SLC4A7: variants seen among roughly 807,000 people sequenced by gnomAD.
The protein encoded by SLC4A7 is sodium bicarbonate cotransporter 3.
A neutral mutation model predicts 137.6 loss-of-function variants in SLC4A7; 51 were observed. That is an observed-to-expected ratio of 0.37 (90% CI 0.30 to 0.47). SLC4A7 has a LOEUF of 0.47. Ranked by LOEUF, SLC4A7 falls within the 20% of genes least tolerant of loss-of-function variation. The pLI is 1.00. For synonymous variants in SLC4A7, 542 were observed against 518.6 expected (o/e 1.05, Z -0.61); for missense variants, 1,247 against 1,525.4 (o/e 0.82, Z 3.04).
In SLC4A7 at chr3:27,400,863, T is replaced by C. The variant is rs1559668039; in HGVS notation, c.2328A>G (p.Val776=). The change falls in exon 16 of 26, where the codon GTA becomes GTG. Residue 776 remains valine (V), a synonymous_variant. Coordinates refer to ENST00000454389, the MANE Select transcript of SLC4A7 (RefSeq NM_001321103.2). The part of the protein sequence containing the change: ...NLDKLTSYSC[V]CTEPPNPSNE... ...TGCTGGGGTTTGGAGGTTCAGTACA[T>C]ACACATCTGAGAAATTAGAGTAGGA... The C allele has an allele frequency of 1.9e-6, 3 of 1,554,412 alleles. No individual in the cohort carries two copies. Among genetic ancestry groups the C allele is most frequent in the Admixed American group, 3.4e-5 (2 of 58,478 alleles).
At chr3:27,421,358 T>C (rs973258159) in intron 9 of SLC4A7, among the ~76,000 whole-genome samples, 3 of 152,010 alleles carry the variant, frequency 2.0e-5, no homozygotes, top group Admixed American at 2.0e-4. Context: ...TAGCTAGGCA[T>C]GGTGCTGCAC....
chr3:27,432,256 C>T (rs969005866), intron 6 of SLC4A7, among the ~76,000 whole-genome samples: 2 of 152,046 alleles, frequency 1.3e-5, no homozygotes, highest in Non-Finnish European at 2.9e-5. Context: ...AGACAAATAA[C>T]AGAAATTTTT....
chr3:27,419,184 T>C (rs539926627), intron 10 of SLC4A7, among the ~76,000 whole-genome samples: 2 of 152,058 alleles, frequency 1.3e-5, no homozygotes, highest in Non-Finnish European at 2.9e-5. Flanking sequence ...TAAATAATTA[T>C]AGGTATTGAT....
At chr3:27,439,276 G>A (rs554458915) in intron 3 of SLC4A7, among the ~76,000 whole-genome samples, 1 of 152,182 alleles carries the variant, frequency 6.6e-6, no homozygotes, top group South Asian at 2.1e-4. Context: ...AGAAAGTCAA[G>A]AACTCCAGGA....
chr3:27,421,981 A>G (rs1390526809), intron 8 of SLC4A7, among the ~76,000 whole-genome samples: 1 of 152,216 alleles, frequency 6.6e-6, no homozygotes, highest in Admixed American at 6.5e-5. Flanking sequence ...ATTTGAATCA[A>G]TGCTACTGTT....
At position 27,374,075 on chromosome 3, in the gene SLC4A7, C is replaced by G. The variant is rs879103429; in HGVS notation, c.*2689G>C. 1 of 152,462 alleles carries G rather than the reference C, an allele frequency of 6.6e-6. No individual in the cohort carries two copies. The highest frequency in any genetic ancestry group is 6.6e-5 in the Admixed American group (1 of 15,258). 9.4% of individuals were successfully genotyped at this position (152,462 alleles called of 1,614,324 possible). A position where few individuals can be genotyped will look rare whatever the true frequency, so the allele number is the denominator to read the frequency against. On this transcript the variant is annotated 3_prime_UTR_variant, in exon 26 of 26. Coordinates refer to ENST00000454389, the MANE Select transcript of SLC4A7 (RefSeq NM_001321103.2). ...CATAAGGAATTTACATCATTGTTTTCTCAAAAGCTGCTATTTTAGATTGAA... is the reference window on the plus strand; with the variant it reads ...CATAAGGAATTTACATCATTGTTTTGTCAAAAGCTGCTATTTTAGATTGAA...
intron 3 of SLC4A7, among the ~76,000 whole-genome samples, chr3:27,438,305 G>A (rs901332138): frequency 2.7e-5 from 4 of 150,520 alleles, no homozygotes; most frequent in Non-Finnish European, 5.9e-5. Context: ...AGCAGTTGGA[G>A]ACCAACCTGG....
In SLC4A7 at chr3:27,434,106, T is replaced by C; in HGVS notation, c.590-2A>G. ...CTATCATGTTGTCTAATACCATATCTATTCAATGAAAAAAAAAATAAATTA... is the reference window on the plus strand; with the variant it reads ...CTATCATGTTGTCTAATACCATATCCATTCAATGAAAAAAAAAATAAATTA... On this transcript the variant is annotated splice_acceptor_variant, in intron 5 of 25. Coordinates refer to ENST00000454389, the MANE Select transcript of SLC4A7 (RefSeq NM_001321103.2). LOFTEE classifies it high-confidence loss of function. The C allele has an allele frequency of 6.3e-7, 1 of 1,577,128 alleles. No individual in the cohort carries two copies. Among genetic ancestry groups the C allele is most frequent in the Non-Finnish European group, 8.6e-7 (1 of 1,163,768 alleles).
chr3:27,422,885 TA>T, intron 8 of SLC4A7: 51 of 436,998 alleles, frequency 1.2e-4, no homozygotes, highest in Non-Finnish European at 1.8e-4. Flanking sequence ...ATAGGCCAAG[TA>T]AAAAAAAGTA....
intron 16 of SLC4A7, among the ~76,000 whole-genome samples, chr3:27,399,734 G>A (rs777001958): frequency 1.3e-4 from 20 of 152,094 alleles, no homozygotes; most frequent in African/African-American, 1.9e-4. Flanking sequence ...AATTTTTACT[G>A]CTTTAAATCA....
intron 17 of SLC4A7, 112 bp from the exon 18 acceptor site, chr3:27,397,909 T>C: frequency 1.5e-6 from 1 of 658,636 alleles, no homozygotes; most frequent in Non-Finnish European, 2.6e-6. Context: ...ATGGAGCTTT[T>C]AACTAGTGAC....
chr3:27,467,193 C>A (rs943609969), intron 1 of SLC4A7, among the ~76,000 whole-genome samples: 1 of 152,118 alleles, frequency 6.6e-6, no homozygotes, highest in Non-Finnish European at 1.5e-5. Flanking sequence ...GGGCCACTTA[C>A]AAACATTATT....
intron 3 of SLC4A7, among the ~76,000 whole-genome samples, chr3:27,445,707 C>G (rs1434856166): frequency 7.0e-6 from 1 of 142,846 alleles, no homozygotes; most frequent in Middle Eastern, 3.7e-3. Flanking sequence ...CACTTGAGGT[C>G]AGGAGTTCGA....
Position 27,419,794 on chromosome 3 carries a change from A to C in SLC4A7, c.1512+906T>G, listed in dbSNP as rs144488276. Among the ~76,000 whole-genome samples, 476 of 152,304 alleles carry C rather than the reference A, an allele frequency of 3.1e-3. 3 individuals are homozygous for C. The highest frequency in any genetic ancestry group is 0.011 in the African/African-American group (462 of 41,562). ...TACTTGAATCAACAAATAAAAGGCT[A>C]AGCCAGAGAAATGGCAGTAGAGATG... On this transcript the variant is annotated intron_variant, in intron 10 of 25. Transcript: ENST00000454389.
intron 1 of SLC4A7, among the ~76,000 whole-genome samples, chr3:27,471,057 G>A (rs1210696078): frequency 6.6e-6 from 1 of 152,118 alleles, no homozygotes; most frequent in Non-Finnish European, 1.5e-5. Context: ...CAAATGGCCG[G>A]GAAGCAGAAT....
At chr3:27,468,426 T>G (rs926970960) in intron 1 of SLC4A7, among the ~76,000 whole-genome samples, 3 of 152,206 alleles carry the variant, frequency 2.0e-5, no homozygotes, top group Non-Finnish European at 4.4e-5. Flanking sequence ...ATACATGATC[T>G]AAGCTGAGTG....
chr3:27,424,361 TAATAC>T (rs2055324529), intron 7 of SLC4A7: 3 of 362,838 alleles, frequency 8.3e-6, no homozygotes, highest in Non-Finnish European at 1.5e-5. Flanking sequence ...ATATTTAAAA[TAATAC>T]AATTAGAATT....
chr3:27,448,748 A>T lies in SLC4A7; in HGVS notation c.192T>A (p.Ser64Arg). 6.2e-7 allele frequency: 1 copy of T among 1,612,486 alleles called. No individual in the cohort carries two copies. The highest frequency in any genetic ancestry group is 1.1e-5 in the South Asian group (1 of 90,948). The change falls in exon 3 of 26, where the codon AGT becomes AGA. Residue 64 changes from serine (S) to arginine (R), a missense_variant. This residue lies in a region of SLC4A7 where 176 missense variants were observed against 186.4 expected (regional missense o/e 0.94). Transcript: ENST00000454389. The stretch of plus-strand genomic sequence containing the variant: ...GTCCGCGATGCCTATGACGCCGACG[A>T]CTCTCTTTACTAAACGGGACGTGAA... Reference protein sequence around the residue: ...IGVHVPFSKESRRRHRHRGHK... With the variant: ...IGVHVPFSKERRRRHRHRGHK...
intron 1 of SLC4A7, among the ~76,000 whole-genome samples, chr3:27,471,098 T>TACC (rs2059227198): frequency 6.6e-6 from 1 of 152,232 alleles, no homozygotes; most frequent in East Asian, 1.9e-4. Context: ...TATGTATGCA[T>TACC]GTATAAAATA....
Sources: allele counts gnomAD v4.1 joint callset (sites outside exome capture counted in the v4.1 genomes callset), GRCh38; gene constraint gnomAD v4.1.1; regional missense constraint gnomAD v4.1.1; transcripts MANE v1.5; gene names NCBI Gene and HGNC (gene_info 2026-07-23, HGNC 2026-07-21).